Variants in SLC20A2 observed in about 807,000 individuals in gnomAD.
SLC20A2 encodes sodium-dependent phosphate transporter 2.
A neutral mutation model predicts 61.0 loss-of-function variants in SLC20A2; 30 were observed. The observed-to-expected ratio is 0.49, with a 90% confidence interval of 0.37 to 0.67. The LOEUF (loss-of-function observed/expected upper bound fraction) is 0.67. Ranked by LOEUF, SLC20A2 falls within the 30% of genes least tolerant of loss-of-function variation. The pLI, the probability that SLC20A2 is intolerant of heterozygous loss-of-function variation, is 0.00. For synonymous variants in SLC20A2, 351 were observed against 353.3 expected (o/e 0.99, Z 0.07); for missense variants, 626 against 866.4 (o/e 0.72, Z 3.48).
chr8:42,490,824 A>G (rs1388193631), intron 1 of SLC20A2, among the ~76,000 whole-genome samples: 1 of 152,196 alleles, frequency 6.6e-6, no homozygotes, highest in Non-Finnish European at 1.5e-5. Flanking sequence ...GCAGAAAGTC[A>G]GTGATTCCCT....
In SLC20A2 at chr8:42,417,662, G is replaced by A. The variant is rs1802753907; in HGVS notation, c.*141C>T. 2 of 852,200 alleles carry A rather than the reference G, an allele frequency of 2.3e-6. No homozygotes were observed. The highest frequency in any genetic ancestry group is 3.6e-6 in the Non-Finnish European group (2 of 550,816). 52.8% of individuals were successfully genotyped at this position (852,200 alleles called of 1,614,324 possible). ...GCCTGGGTGAACAGTGTGGGATGGA[G>A]CCTCCTGGAAGGGAGGCAGAGAGCT... On this transcript the variant is annotated 3_prime_UTR_variant, in exon 11 of 11. Transcript: ENST00000520262.
intron 1 of SLC20A2, 38 bp downstream of exon 1, chr8:42,500,993 G>A (rs1007214323): frequency 2.0e-5 from 3 of 152,148 alleles, no homozygotes; most frequent in African/African-American, 7.2e-5. Context: ...AAGGAGAAAA[G>A]AACAAAGAGA....
At chr8:42,487,745 A>G (rs1270908052) in intron 1 of SLC20A2, among the ~76,000 whole-genome samples, 1 of 152,258 alleles carries the variant, frequency 6.6e-6, no homozygotes, top group Non-Finnish European at 1.5e-5. Context: ...TAAAATACAC[A>G]TCGCATAAAA....
At chr8:42,464,557 A>G (rs943395499) in intron 3 of SLC20A2, among the ~76,000 whole-genome samples, 48 of 152,158 alleles carry the variant, frequency 3.2e-4, no homozygotes, top group African/African-American at 9.7e-4. Context: ...ACTTCAGTCT[A>G]ACACATTTCT....
rs142560741 is a variant in SLC20A2, at chr8:42,430,186, T to A, written c.1587A>T (p.Glu529Asp). The A allele has an allele frequency of 6.2e-7, 1 of 1,614,104 alleles. No individual in the cohort carries two copies. Among genetic ancestry groups the A allele is most frequent in the East Asian group, 2.2e-5 (1 of 44,878 alleles). The change falls in exon 9 of 11, where the codon GAA becomes GAT. Residue 529 changes from glutamate (E) to aspartate (D), a missense_variant. Glu to Asp is a conservative substitution (Grantham distance 45, BLOSUM62 2). Around this residue, in one of 3 missense-constraint regions of SLC20A2, gnomAD observed 138 missense variants for 228.7 expected, o/e 0.60. Transcript: ENST00000520262. The stretch of plus-strand genomic sequence containing the variant: ...ACAGCAGCCAGACGGGTGTAGCTGC[T>A]TCTTGCGTTACCCCGCCTTGTTTGT... Reference protein sequence around the residue: ...LIYKQGGVTQEAATPVWLLFY... With the variant: ...LIYKQGGVTQDAATPVWLLFY...
chr8:42,478,954 GT>G (rs1480521839), intron 1 of SLC20A2, among the ~76,000 whole-genome samples: 1 of 152,088 alleles, frequency 6.6e-6, no homozygotes, highest in African/African-American at 2.4e-5. Flanking sequence ...AACCCAGCCA[GT>G]TCACTCAGTC....
intron 1 of SLC20A2, among the ~76,000 whole-genome samples, chr8:42,512,396 G>A (rs1183707103): frequency 2.6e-5 from 4 of 150,944 alleles, no homozygotes; most frequent in African/African-American, 7.3e-5. Context: ...TGATGCCCAG[G>A]CTGGAGTGCA....
At chr8:42,489,099 C>A (rs188320153) in intron 1 of SLC20A2, among the ~76,000 whole-genome samples, 7 of 152,052 alleles carry the variant, frequency 4.6e-5, no homozygotes, top group Admixed American at 2.0e-4. Flanking sequence ...GCTACCACGC[C>A]CAGCTAATTT....
chr8:42,473,936 C>T (rs979693884), intron 1 of SLC20A2, among the ~76,000 whole-genome samples: 9 of 152,148 alleles, frequency 5.9e-5, no homozygotes, highest in South Asian at 4.2e-4. Context: ...TCTGGGAGGC[C>T]GAGGTGGGTG....
intron 1 of SLC20A2, among the ~76,000 whole-genome samples, chr8:42,477,483 T>C (rs1402846958): frequency 8.1e-5 from 12 of 148,558 alleles, no homozygotes; most frequent in Non-Finnish European, 1.0e-4. Context: ...TTTTTTTTTT[T>C]TTTTTGAGAC....
upstream of SLC20A2, among the ~76,000 whole-genome samples, chr8:42,503,413 AG>A (rs1810441845): frequency 6.6e-6 from 1 of 152,228 alleles, no homozygotes. Context: ...ATGAAATTAA[AG>A]AAAATTACTA....
chr8:42,492,973 G>A (rs977973742), intron 1 of SLC20A2, among the ~76,000 whole-genome samples: 9 of 152,118 alleles, frequency 5.9e-5, no homozygotes, highest in South Asian at 2.1e-4. Flanking sequence ...GAGCCACCAC[G>A]CCCAGCCTTG....
At chr8:42,527,897 G>C (rs929529000) in intron 1 of SLC20A2, among the ~76,000 whole-genome samples, 5 of 152,138 alleles carry the variant, frequency 3.3e-5, no homozygotes, top group Admixed American at 3.3e-4. Flanking sequence ...AAATCTATTT[G>C]TATTTTAAAA....
At chr8:42,429,933 C>T (rs1279243965) in intron 9 of SLC20A2, 131 bp downstream of exon 9, 9 of 689,992 alleles carry the variant, frequency 1.3e-5, no homozygotes, top group Non-Finnish European at 2.1e-5. Flanking sequence ...CATTCTTGCC[C>T]ACTGTCTCCT....
intron 1 of SLC20A2, among the ~76,000 whole-genome samples, chr8:42,487,700 CAG>C (rs1310038928): frequency 6.6e-6 from 1 of 152,210 alleles, no homozygotes; most frequent in African/African-American, 2.4e-5. Context: ...TTTTCAACTG[CAG>C]AGTTTCTTTT....
chr8:42,439,339 G>A (rs1804578067), intron 7 of SLC20A2, 111 bp downstream of exon 7: 12 of 968,520 alleles, frequency 1.2e-5, no homozygotes, highest in Non-Finnish European at 1.8e-5. Context: ...ATAAAACTGG[G>A]GGATCCTTTT....
chr8:42,464,556 T>C (rs1429763390), intron 3 of SLC20A2, among the ~76,000 whole-genome samples: 1 of 152,154 alleles, frequency 6.6e-6, no homozygotes, highest in Non-Finnish European at 1.5e-5. Flanking sequence ...GACTTCAGTC[T>C]AACACATTTC....
intron 8 of SLC20A2, 36 bp downstream of exon 8, chr8:42,436,953 A>G (rs1804314822): frequency 6.5e-7 from 1 of 1,550,350 alleles, no homozygotes; most frequent in East Asian, 2.3e-5. Flanking sequence ...CGGAGCCTCA[A>G]GGACCCTTGT....
chr8:42,453,279 A>G (rs969602763), intron 5 of SLC20A2, among the ~76,000 whole-genome samples: 6 of 152,242 alleles, frequency 3.9e-5, no homozygotes, highest in African/African-American at 1.4e-4. Context: ...CCAAGTAAGC[A>G]TTTTATTTCC....
Sources: gnomAD v4.1 joint callset for allele counts (sites outside exome capture counted in the v4.1 genomes callset) on GRCh38, gnomAD v4.1.1 for gene constraint, gnomAD v4.1.1 regional missense constraint, MANE v1.5 for transcripts, NCBI Gene and HGNC (gene_info 2026-07-23, HGNC 2026-07-21) for gene names.